The following SFTPD variants were observed in gnomAD, a reference collection of about 807,000 sequenced individuals.
The protein encoded by SFTPD is pulmonary surfactant-associated protein D.
A neutral mutation model predicts 34.6 loss-of-function variants in SFTPD; 18 were observed. The observed-to-expected ratio is 0.52, with a 90% CI of 0.36 to 0.77. SFTPD has a LOEUF of 0.77. Among genes scored for constraint, SFTPD ranks in the 30% least tolerant of loss-of-function variants. The pLI, the probability that SFTPD is intolerant of heterozygous loss-of-function variation, is 0.00. For missense variants in SFTPD, 433 were observed against 468.9 expected (o/e 0.92, Z 0.71); for synonymous variants, 155 against 180.9 (o/e 0.86, Z 1.15).
In SFTPD at chr10:79,946,514, C is replaced by T. The variant is rs779812684; in HGVS notation, c.146G>A (p.Gly49Asp). ...CTCTCTCCCATCCCGTCCATCGCGA[C>T]CAGGCAGGCCACTCTCCACTGAGCT... ...MCSSVESGLP[G>D]RDGRDGREGP... Residue 49 changes from glycine (G) to aspartate (D), a missense_variant, in exon 2 of 8, where the codon GGT becomes GAT. Physicochemically the swap from Gly to Asp is moderately conservative, Grantham distance 94. Coordinates refer to ENST00000372292, the MANE Select transcript of SFTPD (RefSeq NM_003019.5). 3 of 1,614,190 alleles carry T rather than the reference C, an allele frequency of 1.9e-6. No homozygotes were observed. Among genetic ancestry groups the T allele is most frequent in the Admixed American group, 3.3e-5 (2 of 60,030 alleles).
At chr10:79,964,896 A>G (rs1842795117) in intron 1 of SFTPD, among the ~76,000 whole-genome samples, 1 of 152,154 alleles carries the variant, frequency 6.6e-6, no homozygotes, top group African/African-American at 2.4e-5. Flanking sequence ...TGAGAAGGCC[A>G]CCACAGTCAT....
At position 79,939,759 on chromosome 10, in the gene SFTPD, A is replaced by G. The variant is rs17886982; in HGVS notation, c.751+946T>C. 1.3e-3 allele frequency among the ~76,000 whole-genome samples: 192 copies of G among 152,348 alleles called. 2 individuals are homozygous for G. Among genetic ancestry groups the G allele is most frequent in the African/African-American group, 4.0e-3 (168 of 41,582 alleles). ...AGCCAAACCTGTGTTGCACCCAGTC[A>G]GCCCTTTTATGCTCTACTACTTCAG... is the stretch of plus-strand genomic sequence containing the variant. On this transcript the variant is annotated intron_variant, in intron 7 of 7. Transcript: ENST00000372292.
chr10:79,943,539 G>T (rs549093389), intron 2 of SFTPD, among the ~76,000 whole-genome samples: 3 of 152,188 alleles, frequency 2.0e-5, no homozygotes, highest in Non-Finnish European at 4.4e-5. Context: ...AAGGAGAATC[G>T]AGGGAGATTT....
chr10:79,965,547 TTTTTTAA>T (rs1564534482), intron 1 of SFTPD, among the ~76,000 whole-genome samples: 19 of 131,442 alleles, frequency 1.4e-4, no homozygotes, highest in Admixed American at 5.4e-4. Context: ...TTCTTTTTTT[TTTTTTAA>T]TTTTTTATTT....
chr10:79,977,348 G>A (rs1047060278), intron 1 of SFTPD, among the ~76,000 whole-genome samples: 2 of 152,222 alleles, frequency 1.3e-5, no homozygotes, highest in Non-Finnish European at 2.9e-5. Context: ...AGGCCAGAGA[G>A]CAACCTACTA....
At chr10:79,959,954 A>G (rs1842762687) in intron 1 of SFTPD, among the ~76,000 whole-genome samples, 1 of 152,188 alleles carries the variant, frequency 6.6e-6, no homozygotes, top group Non-Finnish European at 1.5e-5. Context: ...ACCATGATCA[A>G]GTGGGCTTCA....
intron 7 of SFTPD, among the ~76,000 whole-genome samples, chr10:79,938,486 A>T (rs191322464): frequency 5.6e-4 from 86 of 152,308 alleles, no homozygotes; most frequent in Admixed American, 2.5e-3. Context: ...AAAGTCACAC[A>T]AGCAGCAAAC....
upstream of SFTPD, among the ~76,000 whole-genome samples, chr10:79,949,775 G>GT (rs1006964544): frequency 3.9e-5 from 6 of 152,058 alleles, no homozygotes; most frequent in Non-Finnish European, 8.8e-5. Flanking sequence ...CTTAGCTGGT[G>GT]TTTGTCTTGT....
intron 2 of SFTPD, 23 bp from the exon 3 acceptor site, chr10:79,942,902 C>T (rs528953506): frequency 3.8e-5 from 58 of 1,509,164 alleles, no homozygotes; most frequent in Admixed American, 1.8e-4. Flanking sequence ...AAGAAATGGA[C>T]AAAGACCTGG....
chr10:79,967,923 T>C (rs1245875354), intron 1 of SFTPD, among the ~76,000 whole-genome samples: 1 of 151,146 alleles, frequency 6.6e-6, no homozygotes, highest in Non-Finnish European at 1.5e-5. Context: ...TTCCACTACC[T>C]ACCCAAATCC....
At chr10:79,946,771 T>C (rs1842670212) in intron 1 of SFTPD, 109 bp from the exon 2 acceptor site, 2 of 964,770 alleles carry the variant, frequency 2.1e-6, no homozygotes, top group African/African-American at 3.2e-5. Flanking sequence ...CCTCCTTCTG[T>C]CCTCTGCTAT....
At chr10:79,959,528 T>C (rs1486874258) in intron 1 of SFTPD, among the ~76,000 whole-genome samples, 1 of 152,088 alleles carries the variant, frequency 6.6e-6, no homozygotes, top group African/African-American at 2.4e-5. Context: ...TCTACACAAA[T>C]AAGCTAGAAA....
At chr10:79,961,736 T>C (rs1392490122) in intron 1 of SFTPD, among the ~76,000 whole-genome samples, 42 of 152,244 alleles carry the variant, frequency 2.8e-4, no homozygotes, top group African/African-American at 5.3e-4. Flanking sequence ...GTCAGTGTGG[T>C]GATTCCTCAG....
At chr10:79,982,132 G>C in intron 1 of SFTPD, 1 of 343,184 alleles carries the variant, frequency 2.9e-6, no homozygotes, top group Non-Finnish European at 5.1e-6. Context: ...CGCCCTCCTG[G>C]CTCTCCGGGC....
intron 1 of SFTPD, 97 bp from the exon 2 acceptor site, chr10:79,946,759 T>G: frequency 9.1e-7 from 1 of 1,096,996 alleles, no homozygotes; most frequent in Non-Finnish European, 1.3e-6. Flanking sequence ...AAGCCCCCAT[T>G]CCCTCCTTCT....
intron 3 of SFTPD, 56 bp downstream of exon 3, chr10:79,942,707 T>A (rs781135277): frequency 1.6e-6 from 2 of 1,245,136 alleles, no homozygotes; most frequent in Non-Finnish European, 2.4e-6. Context: ...CACTGGCATA[T>A]CCTTGCAGCT....
intron 1 of SFTPD, among the ~76,000 whole-genome samples, chr10:79,965,098 C>T (rs954710914): frequency 2.0e-5 from 3 of 152,142 alleles, no homozygotes; most frequent in African/African-American, 7.2e-5. Flanking sequence ...CTTTTAAAAA[C>T]ACACCTCACC....
At chr10:79,941,313 G>T (rs973272597) in intron 6 of SFTPD, 85 bp downstream of exon 6, 18 of 1,164,556 alleles carry the variant, frequency 1.5e-5, no homozygotes, top group Non-Finnish European at 2.2e-5. Context: ...ACATCCCAGA[G>T]CCCCTCCTCT....
intron 1 of SFTPD, among the ~76,000 whole-genome samples, chr10:79,960,104 C>T (rs1340619716): frequency 2.6e-5 from 4 of 152,000 alleles, no homozygotes; most frequent in African/African-American, 7.3e-5. Flanking sequence ...AACCTTCATG[C>T]TAAAAACTCT....
Sources: gnomAD v4.1 joint callset for allele counts (sites outside exome capture counted in the v4.1 genomes callset) on GRCh38, gnomAD v4.1.1 for gene constraint, MANE v1.5 for transcripts, NCBI Gene and HGNC (gene_info 2026-07-23, HGNC 2026-07-21) for gene names.